The following FMN2 variants were observed in gnomAD, a reference collection of about 807,000 sequenced individuals.
The protein encoded by FMN2 is formin-2.
A neutral mutation model predicts 142.3 loss-of-function variants in FMN2; 51 were observed. That is an observed-to-expected ratio of 0.36 (90% CI 0.29 to 0.45). The LOEUF is 0.45. FMN2 is among the 20% of genes least tolerant of loss of function. The pLI, the probability that FMN2 is intolerant of heterozygous loss-of-function variation, is 1.00. For missense variants in FMN2, 1,936 were observed against 2,122.8 expected (o/e 0.91, Z 1.73); for synonymous variants, 882 against 869.8 (o/e 1.01, Z -0.25).
At chr1:240,181,532 AG>A (rs1328382246) in intron 3 of FMN2, among the ~76,000 whole-genome samples, 3 of 152,148 alleles carry the variant, frequency 2.0e-5, no homozygotes, top group Non-Finnish European at 2.9e-5. Flanking sequence ...GGCCATGGTG[AG>A]GTCTTGGTGC....
chr1:240,294,005 C>T (rs1402587099), intron 7 of FMN2, among the ~76,000 whole-genome samples: 1 of 151,950 alleles, frequency 6.6e-6, no homozygotes, highest in Non-Finnish European at 1.5e-5. Context: ...TGATTTTTGT[C>T]CCGGAAATTT....
chr1:240,139,058 A>T (rs1314301662), intron 2 of FMN2, among the ~76,000 whole-genome samples: 1 of 152,178 alleles, frequency 6.6e-6, no homozygotes, highest in Non-Finnish European at 1.5e-5. Context: ...GTCTGAGTTG[A>T]GATCAGAGCA....
intron 4 of FMN2, among the ~76,000 whole-genome samples, chr1:240,188,663 T>C (rs1214490088): frequency 6.6e-6 from 1 of 152,228 alleles, no homozygotes; most frequent in African/African-American, 2.4e-5. Context: ...AGGTTCTTAT[T>C]ACTTTGGTGG....
intron 8 of FMN2, among the ~76,000 whole-genome samples, chr1:240,306,992 G>A (rs951523873): frequency 1.2e-4 from 19 of 152,076 alleles, no homozygotes; most frequent in Admixed American, 1.2e-3. Flanking sequence ...GTATCTCTCT[G>A]GTGTTTAGTC....
rs978345096 is a variant in FMN2 at position 240,231,148 on chromosome 1, G to A, written c.4065+19913G>A. 9.9e-5 allele frequency among the ~76,000 whole-genome samples: 13 copies of A among 131,842 alleles called. 5 individuals carry two copies. The highest frequency in any genetic ancestry group is 3.6e-4 in the African/African-American group (11 of 30,854). 86.5% of individuals were successfully genotyped at this position (131,842 alleles called of 152,430 possible). On this transcript the variant is annotated intron_variant, in intron 6 of 17. Coordinates refer to ENST00000319653, the MANE Select transcript of FMN2 (RefSeq NM_020066.5). ...TCTCAATACTGCCACACACGAAGCA[G>A]GTAGACACACAGCTATTCCAAAAAC... is the stretch of plus-strand genomic sequence containing the variant.
chr1:240,092,670 T>C lies in FMN2; in HGVS notation c.561T>C (p.His187=). 5.0e-6 allele frequency: 8 copies of C among 1,614,080 alleles called. No homozygotes were observed. The highest frequency in any genetic ancestry group is 5.9e-6 in the Non-Finnish European group (7 of 1,179,988). Residue 187 remains histidine (H), a synonymous_variant, in exon 1 of 18, where the codon CAT becomes CAC. Transcript: ENST00000319653. The part of the protein sequence containing the change: ...SGSDTDIYSF[H]SATEQEDLLS... ...CGGACACGGACATCTATAGCTTCCATTCGGCTACGGAGCAAGAGGATTTGC... is the reference window on the plus strand; with the variant it reads ...CGGACACGGACATCTATAGCTTCCACTCGGCTACGGAGCAAGAGGATTTGC...
intron 2 of FMN2, among the ~76,000 whole-genome samples, chr1:240,154,009 C>T (rs1824113): frequency 0.078 from 11,757 of 150,154 alleles, 540 homozygotes; most frequent in African/African-American, 0.12. Flanking sequence ...ACAGCTACTC[C>T]GGAGGCAGGA....
chr1:240,241,073 A>C (rs1185572496), intron 6 of FMN2, among the ~76,000 whole-genome samples: 2 of 152,196 alleles, frequency 1.3e-5, no homozygotes, highest in Non-Finnish European at 2.9e-5. Context: ...ATACTGCAGC[A>C]TTATAGTGCA....
intron 16 of FMN2, among the ~76,000 whole-genome samples, chr1:240,465,442 C>A (rs1055518136): frequency 1.3e-5 from 2 of 150,510 alleles, no homozygotes; most frequent in African/African-American, 4.9e-5. Context: ...CTTTAAATTT[C>A]TTAGCAGACC....
chr1:240,328,073 G>A (rs1437105988), intron 8 of FMN2, among the ~76,000 whole-genome samples: 5 of 147,838 alleles, frequency 3.4e-5, no homozygotes, highest in South Asian at 4.3e-4. Context: ...GCTTGAACCC[G>A]GGAGGCGCAG....
At chr1:240,237,537 G>A (rs951123861) in intron 6 of FMN2, among the ~76,000 whole-genome samples, 1 of 152,038 alleles carries the variant, frequency 6.6e-6, no homozygotes, top group Non-Finnish European at 1.5e-5. Flanking sequence ...ATTAAATACC[G>A]CAGCTGGTCT....
At chr1:240,355,950 G>GCAAA (rs1672251961) in intron 14 of FMN2, 42 bp downstream of exon 14, 1 of 85,582 alleles carries the variant, frequency 1.2e-5, no homozygotes, top group Non-Finnish European at 2.1e-5. Context: ...TCCCCTTTCA[G>GCAAA]CAAAAAAAAA....
chr1:240,207,197 A>T lies in FMN2; in HGVS notation c.2385A>T (p.Ser795=). Residue 795 remains serine (S), a synonymous_variant, in exon 5 of 18, where the codon TCA becomes TCT. Coordinates refer to ENST00000319653, the MANE Select transcript of FMN2 (RefSeq NM_020066.5). ...ISLIVSPRRI[S]VQLDSHQPTQ... ...TGATTGTGTCTCCAAGGCGAATATCAGTCCAGCTCGACAGCCATCAGCCCA... is the reference window on the plus strand; with the variant it reads ...TGATTGTGTCTCCAAGGCGAATATCTGTCCAGCTCGACAGCCATCAGCCCA... The T allele has an allele frequency of 6.2e-7, 1 of 1,613,996 alleles. No individual in the cohort carries two copies. The highest frequency in any genetic ancestry group is 8.5e-7 in the Non-Finnish European group (1 of 1,179,928).
chr1:240,117,767 C>T (rs868201270), intron 1 of FMN2, among the ~76,000 whole-genome samples: 1 of 152,148 alleles, frequency 6.6e-6, no homozygotes, highest in East Asian at 1.9e-4. Flanking sequence ...ATTGATTATC[C>T]CGTCTTTGCC....
intron 6 of FMN2, among the ~76,000 whole-genome samples, chr1:240,229,110 TA>T (rs911134305): frequency 2.6e-5 from 4 of 152,116 alleles, no homozygotes; most frequent in African/African-American, 9.7e-5. Flanking sequence ...ACTGTTGTTT[TA>T]ATATTTGACA....
intron 15 of FMN2, among the ~76,000 whole-genome samples, chr1:240,436,995 C>T (rs565241752): frequency 2.7e-4 from 41 of 152,302 alleles, no homozygotes; most frequent in Non-Finnish European, 5.1e-4. Flanking sequence ...CTAACCAGTT[C>T]TCTTGCCACG....
chr1:240,263,909 T>TA (rs1668711858), intron 7 of FMN2, among the ~76,000 whole-genome samples: 1 of 152,194 alleles, frequency 6.6e-6, no homozygotes, highest in Non-Finnish European at 1.5e-5. Context: ...AATGCTATGT[T>TA]ACCTCCTTGC....
intron 3 of FMN2, among the ~76,000 whole-genome samples, chr1:240,180,758 G>C (rs903613305): frequency 6.6e-6 from 1 of 151,566 alleles, no homozygotes; most frequent in Admixed American, 6.6e-5. Context: ...GTAGAGACAG[G>C]GTTTCACCAT....
chr1:240,195,963 G>T (rs995304831), intron 4 of FMN2, among the ~76,000 whole-genome samples: 1 of 152,162 alleles, frequency 6.6e-6, no homozygotes, highest in East Asian at 1.9e-4. Flanking sequence ...AGCTATGATT[G>T]TGCCACTGCA....
Sources: allele counts gnomAD v4.1 joint callset (sites outside exome capture counted in the v4.1 genomes callset), GRCh38; gene constraint gnomAD v4.1.1; transcripts MANE v1.5; gene names NCBI Gene and HGNC (gene_info 2026-07-23, HGNC 2026-07-21).